Variants in TEC observed in about 807,000 individuals in gnomAD.
The protein encoded by TEC is tec protein tyrosine kinase, also known as tyrosine-protein kinase Tec.
A neutral mutation model predicts 93.0 loss-of-function variants in TEC; 72 were observed. That is an observed-to-expected ratio of 0.77 (90% CI 0.64 to 0.94). TEC has a LOEUF of 0.94. TEC is among the 40% of genes least tolerant of loss of function. TEC has a pLI of 0.00. For synonymous variants in TEC, 249 were observed against 247.7 expected, an observed-to-expected ratio of 1.01 and a Z score of -0.05; for missense variants, 630 against 757.9, an observed-to-expected ratio of 0.83 and a Z score of 1.98.
intron 13 of TEC, 30 bp downstream of exon 13, chr4:48,145,378 A>G: frequency 6.2e-7 from 1 of 1,613,256 alleles, no homozygotes. Flanking sequence ...TAATACAAAA[A>G]GATGAGCCAG....
At chr4:48,243,172 C>T (rs541638992) in intron 1 of TEC, among the ~76,000 whole-genome samples, 5 of 150,564 alleles carry the variant, frequency 3.3e-5, no homozygotes, top group African/African-American at 7.3e-5. Context: ...AACATCATCC[C>T]GAAGATCTTT....
At chr4:48,258,325 A>G (rs1724399207) in intron 1 of TEC, among the ~76,000 whole-genome samples, 1 of 152,000 alleles carries the variant, frequency 6.6e-6, no homozygotes, top group Admixed American at 6.6e-5. Context: ...TATTTTTAGT[A>G]GAGACAAGGT....
chr4:48,202,558 A>T (rs1361705457), intron 2 of TEC, among the ~76,000 whole-genome samples: 1 of 152,054 alleles, frequency 6.6e-6, no homozygotes, highest in Non-Finnish European at 1.5e-5. Context: ...AGAAGGAAAA[A>T]AAAAATGGAT....
intron 1 of TEC, among the ~76,000 whole-genome samples, chr4:48,261,288 T>G (rs1290999997): frequency 6.6e-6 from 1 of 152,262 alleles, no homozygotes; most frequent in African/African-American, 2.4e-5. Context: ...AAATTGTATT[T>G]CTGTTTCCCT....
intron 3 of TEC, among the ~76,000 whole-genome samples, chr4:48,173,921 C>G (rs1577721670): frequency 6.6e-6 from 1 of 152,300 alleles, no homozygotes; most frequent in Admixed American, 6.5e-5. Context: ...GTCCTACTTT[C>G]TTCTCCCAGT....
chr4:48,220,149 TCC>T (rs1723211271), intron 2 of TEC, among the ~76,000 whole-genome samples: 2 of 149,924 alleles, frequency 1.3e-5, no homozygotes, highest in African/African-American at 4.9e-5. Context: ...AATCTTAAAT[TCC>T]TAAATACATT....
At chr4:48,205,741 G>A (rs1722695502) in intron 2 of TEC, among the ~76,000 whole-genome samples, 3 of 152,214 alleles carry the variant, frequency 2.0e-5, no homozygotes, top group Admixed American at 2.0e-4. Context: ...CTTGCACACT[G>A]CTAATGGGAA....
intron 1 of TEC, among the ~76,000 whole-genome samples, chr4:48,231,721 C>A (rs539712958): frequency 6.6e-6 from 1 of 151,948 alleles, no homozygotes; most frequent in African/African-American, 2.4e-5. Context: ...CGCACCACTG[C>A]ACTCCAGCCT....
At chr4:48,189,737 G>A (rs1378298280) in intron 2 of TEC, among the ~76,000 whole-genome samples, 1 of 152,228 alleles carries the variant, frequency 6.6e-6, no homozygotes, top group Non-Finnish European at 1.5e-5. Context: ...CATAGTATCT[G>A]ATTTAACCCA....
chr4:48,171,612 C>T (rs1335810179), intron 3 of TEC, among the ~76,000 whole-genome samples, 163 bp from the exon 4 acceptor site: 2 of 152,166 alleles, frequency 1.3e-5, no homozygotes, highest in East Asian at 1.9e-4. Flanking sequence ...TACAAAAGCA[C>T]AAGTACTTCT....
At chr4:48,168,307 C>T (rs1006141707) in intron 6 of TEC, among the ~76,000 whole-genome samples, 5 of 152,170 alleles carry the variant, frequency 3.3e-5, no homozygotes, top group African/African-American at 1.2e-4. Context: ...CTAAATCCCA[C>T]TCCTCTTAAT....
chr4:48,142,570 T>A (rs1560371843), intron 14 of TEC, among the ~76,000 whole-genome samples: 1 of 152,236 alleles, frequency 6.6e-6, no homozygotes, highest in Admixed American at 6.5e-5. Context: ...CAATTGTGGA[T>A]TATTTAATTT....
At chr4:48,252,642 C>T (rs149523188) in intron 1 of TEC, among the ~76,000 whole-genome samples, 1 of 152,316 alleles carries the variant, frequency 6.6e-6, no homozygotes, top group African/African-American at 2.4e-5. Flanking sequence ...AAGATAGAGA[C>T]ATAAAGGCAG....
chr4:48,243,799 G>A (rs1441393783), intron 1 of TEC, among the ~76,000 whole-genome samples: 3 of 151,952 alleles, frequency 2.0e-5, no homozygotes, highest in Admixed American at 2.0e-4. Flanking sequence ...GGGGAACAAC[G>A]CACACTGGGG....
At chr4:48,164,425 G>A (rs1251389496) in intron 7 of TEC, among the ~76,000 whole-genome samples, 1 of 152,102 alleles carries the variant, frequency 6.6e-6, no homozygotes, top group African/African-American at 2.4e-5. Flanking sequence ...AATTTAAGAT[G>A]CACTCTTATG....
At chr4:48,150,591 CT>C (rs1419671053) in intron 10 of TEC, among the ~76,000 whole-genome samples, 1 of 152,134 alleles carries the variant, frequency 6.6e-6, no homozygotes, top group South Asian at 2.1e-4. Context: ...TATTTTTATC[CT>C]TAGTGACCAG....
intron 2 of TEC, among the ~76,000 whole-genome samples, chr4:48,209,227 AAATT>A (rs1722813455): frequency 6.6e-6 from 1 of 152,188 alleles, no homozygotes; most frequent in African/African-American, 2.4e-5. Flanking sequence ...AATTTGGATT[AAATT>A]CAGTAGAAAA....
rs551289560 is a variant in TEC, at chr4:48,265,387, A to G, written c.-46+4365T>C. Among the ~76,000 whole-genome samples the G allele has an allele frequency of 5.3e-3, 794 of 149,540 alleles. 8 individuals are homozygous for G. Among genetic ancestry groups the G allele is most frequent in the Middle Eastern group, 0.018 (5 of 284 alleles). On this transcript the variant is annotated intron_variant, in intron 1 of 17. Coordinates refer to ENST00000381501, the MANE Select transcript of TEC (RefSeq NM_003215.3). ...ACCAATGAGATAGATATATATATAT[A>G]TGTGTGTGTATATGTATATATATAC...
rs529276119 is a variant in TEC, at chr4:48,254,242, G to T, written c.-46+15510C>A. 1.5e-4 allele frequency among the ~76,000 whole-genome samples: 23 copies of T among 152,332 alleles called. No individual in the cohort carries two copies. In the East Asian group the frequency reaches 3.9e-3, roughly 26 times the overall value. ...ACCAGGTGAGTCAATCAGGGAGAAT[G>T]ACAAAGAGGTTGGTGGCAAAAGGAG... On this transcript the variant is annotated intron_variant, in intron 1 of 17. Transcript: ENST00000381501.
Sources: gnomAD v4.1 joint callset for allele counts (sites outside exome capture counted in the v4.1 genomes callset) on GRCh38, gnomAD v4.1.1 for gene constraint, MANE v1.5 for transcripts, NCBI Gene and HGNC (gene_info 2026-07-23, HGNC 2026-07-21) for gene names.